Variants in ARID1B observed in about 807,000 individuals in gnomAD.
The protein encoded by ARID1B is AT-rich interaction domain 1B.
In ARID1B, 30 loss-of-function variants were observed where a neutral mutation model predicts 212.3. The observed-to-expected ratio is 0.14, with a 90% CI of 0.11 to 0.19. ARID1B has a LOEUF of 0.19. ARID1B is among the 10% of genes least tolerant of loss of function. The pLI is 1.00. For missense variants in ARID1B, 2,891 were observed against 3,204.0 expected, an observed-to-expected ratio of 0.90 and a Z score of 2.36; for synonymous variants, 1,402 against 1,301.7, an observed-to-expected ratio of 1.08 and a Z score of -1.66.
chr6:157,021,852 C>T (rs1052629154), intron 4 of ARID1B, among the ~76,000 whole-genome samples: 6 of 152,038 alleles, frequency 3.9e-5, no homozygotes, highest in Non-Finnish European at 8.8e-5. Flanking sequence ...CACGCAGGCA[C>T]CGAGTGTTTC....
chr6:157,120,284 A>T (rs1787618626), intron 6 of ARID1B, among the ~76,000 whole-genome samples: 1 of 152,156 alleles, frequency 6.6e-6, no homozygotes, highest in Admixed American at 6.5e-5. Context: ...GCCCAGTGAT[A>T]GGTGGTATAA....
At chr6:157,018,641 T>G (rs1780051395) in intron 4 of ARID1B, among the ~76,000 whole-genome samples, 1 of 152,238 alleles carries the variant, frequency 6.6e-6, no homozygotes, top group Non-Finnish European at 1.5e-5. Flanking sequence ...GTTTTGGATT[T>G]CTGGCGTATG....
chr6:157,083,348 G>A (rs1297791083), intron 4 of ARID1B, among the ~76,000 whole-genome samples: 1 of 152,178 alleles, frequency 6.6e-6, no homozygotes, highest in South Asian at 2.1e-4. Context: ...ACTCAGCCTT[G>A]AGAACTCGTT....
At chr6:157,167,418 A>G in intron 9 of ARID1B, 1 of 391,232 alleles carries the variant, frequency 2.6e-6, no homozygotes, top group Non-Finnish European at 4.4e-6. Flanking sequence ...ACAAGTGGAC[A>G]TATTTCAAGT....
chr6:157,031,669 TC>T (rs1781022214), intron 4 of ARID1B, among the ~76,000 whole-genome samples: 2 of 152,180 alleles, frequency 1.3e-5, no homozygotes, highest in African/African-American at 4.8e-5. Context: ...ATATTCTTCA[TC>T]ACAGTTATTC....
At position 156,873,712 on chromosome 6, in the gene ARID1B, C is replaced by T. The variant is rs930083314; in HGVS notation, c.1987-27664C>T. On this transcript the variant is annotated intron_variant, in intron 2 of 19. Transcript: ENST00000636930. ...TGTGTGCTTTGCAGATTCTCCTTCACTTACGTGGGTTTGCCTTCTTGTCTC... is the reference window on the plus strand; with the variant it reads ...TGTGTGCTTTGCAGATTCTCCTTCATTTACGTGGGTTTGCCTTCTTGTCTC... 2.6e-5 allele frequency among the ~76,000 whole-genome samples: 4 copies of T among 152,210 alleles called. No individual in the cohort carries two copies. In the South Asian group the frequency reaches 8.3e-4, roughly 32 times the overall value.
At chr6:157,099,847 G>A (rs1450670394) in intron 5 of ARID1B, among the ~76,000 whole-genome samples, 2 of 152,128 alleles carry the variant, frequency 1.3e-5, no homozygotes, top group Admixed American at 6.5e-5. Flanking sequence ...TGAACGGTGC[G>A]TGGGAGCTGT....
chr6:156,869,607 CTT>C (rs776210996), intron 2 of ARID1B, among the ~76,000 whole-genome samples: 43 of 152,162 alleles, frequency 2.8e-4, no homozygotes, highest in Non-Finnish European at 5.0e-4. Flanking sequence ...CATGGAAAGA[CTT>C]TATTTTATCA....
intron 4 of ARID1B, among the ~76,000 whole-genome samples, chr6:156,951,793 A>T (rs1793609434): frequency 6.6e-6 from 1 of 152,154 alleles, no homozygotes; most frequent in Non-Finnish European, 1.5e-5. Context: ...ATTATATTGT[A>T]AAAGGAAATA....
intron 4 of ARID1B, among the ~76,000 whole-genome samples, chr6:157,050,977 C>CA (rs1266227043): frequency 1.3e-5 from 2 of 152,204 alleles, no homozygotes; most frequent in African/African-American, 4.8e-5. Flanking sequence ...GGAGATCTGC[C>CA]AGGCTTGTTG....
intron 8 of ARID1B, among the ~76,000 whole-genome samples, chr6:157,156,571 A>G (rs1439028306): frequency 2.0e-5 from 3 of 152,246 alleles, no homozygotes; most frequent in Non-Finnish European, 4.4e-5. Flanking sequence ...ATGAGAGCCA[A>G]GGAATCACAG....
At chr6:157,064,687 A>G (rs1783561054) in intron 4 of ARID1B, among the ~76,000 whole-genome samples, 1 of 152,210 alleles carries the variant, frequency 6.6e-6, no homozygotes, top group South Asian at 2.1e-4. Flanking sequence ...CTGTCCCCAC[A>G]TCCTCTCCTG....
chr6:156,906,713 C>T (rs1789423117), intron 3 of ARID1B, among the ~76,000 whole-genome samples: 1 of 152,084 alleles, frequency 6.6e-6, no homozygotes, highest in Non-Finnish European at 1.5e-5. Context: ...GCCTGGTTTT[C>T]CAATGCTTGC....
At chr6:156,993,191 G>A (rs765570595) in intron 4 of ARID1B, among the ~76,000 whole-genome samples, 4 of 152,044 alleles carry the variant, frequency 2.6e-5, no homozygotes, top group African/African-American at 7.2e-5. Flanking sequence ...ACAGGCAACC[G>A]CCATCATGCC....
intron 1 of ARID1B, among the ~76,000 whole-genome samples, chr6:156,789,734 T>C (rs1000848962): frequency 6.6e-6 from 1 of 152,208 alleles, no homozygotes; most frequent in East Asian, 1.9e-4. Context: ...TAGAGAGCAC[T>C]GGAAGATTAT....
At chr6:157,168,401 G>A (rs550042925) in intron 9 of ARID1B, 2 of 152,240 alleles carry the variant, frequency 1.3e-5, no homozygotes, top group South Asian at 2.1e-4. Context: ...TTTTACATTC[G>A]AGATGAAAGT....
chr6:157,124,420 G>A lies in ARID1B; in HGVS notation c.2582-8608G>A, dbSNP rs113233156. 1.5e-3 allele frequency among the ~76,000 whole-genome samples: 221 copies of A among 152,308 alleles called. 2 individuals carry two copies. Among genetic ancestry groups the A allele is most frequent in the African/African-American group, 4.9e-3 (202 of 41,576 alleles). ...AACTGCACGGCCACAGCTAACATAC[G>A]TGGTGCTTTTCATGCTTATAAAAGT... On this transcript the variant is annotated intron_variant, in intron 6 of 19. Coordinates refer to ENST00000636930, the MANE Select transcript of ARID1B (RefSeq NM_001374828.1).
intron 4 of ARID1B, among the ~76,000 whole-genome samples, chr6:157,021,638 C>T (rs1780277624): frequency 6.6e-6 from 1 of 152,126 alleles, no homozygotes; most frequent in Non-Finnish European, 1.5e-5. Flanking sequence ...CACAGATGAG[C>T]CTTTGTGGGA....
At chr6:157,072,925 C>A (rs570380057) in intron 4 of ARID1B, among the ~76,000 whole-genome samples, 10 of 152,266 alleles carry the variant, frequency 6.6e-5, no homozygotes, top group Admixed American at 5.9e-4. Flanking sequence ...TGGTTCCCTT[C>A]TCTAGTCAGT....
Sources: gnomAD v4.1 joint callset for allele counts (sites outside exome capture counted in the v4.1 genomes callset) on GRCh38, gnomAD v4.1.1 for gene constraint, MANE v1.5 for transcripts, NCBI Gene and HGNC (gene_info 2026-07-23, HGNC 2026-07-21) for gene names.